ARID1B: variants seen among roughly 807,000 people sequenced by gnomAD.
ARID1B encodes the protein AT-rich interactive domain-containing protein 1B.
ARID1B carries 30 observed loss-of-function variants against 212.3 expected under a neutral mutation model. The observed-to-expected ratio is 0.14, with a 90% confidence interval of 0.11 to 0.19. The LOEUF (loss-of-function observed/expected upper bound fraction) is 0.19. Among genes scored for constraint, ARID1B ranks in the 10% least tolerant of loss-of-function variants. ARID1B has a pLI of 1.00. For synonymous variants in ARID1B, 1,402 were observed against 1,301.7 expected, an observed-to-expected ratio of 1.08 and a Z score of -1.66; for missense variants, 2,891 against 3,204.0, an observed-to-expected ratio of 0.90 and a Z score of 2.36.
chr6:156,990,312 G>T (rs1258413760), intron 4 of ARID1B, among the ~76,000 whole-genome samples: 1 of 151,658 alleles, frequency 6.6e-6, no homozygotes, highest in Non-Finnish European at 1.5e-5. Context: ...AGGTAGGGCT[G>T]CAGGCACACA....
At chr6:157,009,919 G>A (rs1779467790) in intron 4 of ARID1B, among the ~76,000 whole-genome samples, 1 of 152,206 alleles carries the variant, frequency 6.6e-6, no homozygotes, top group Non-Finnish European at 1.5e-5. Context: ...AGTGAAGAAT[G>A]TGATGTAATA....
chr6:157,172,521 C>T (rs763848178), intron 9 of ARID1B, among the ~76,000 whole-genome samples: 3 of 152,142 alleles, frequency 2.0e-5, no homozygotes, highest in Admixed American at 6.5e-5. Context: ...GCCAATGCGC[C>T]CGTGGAAAAG....
chr6:157,149,068 G>A, intron 8 of ARID1B, 117 bp downstream of exon 8: 1 of 1,041,270 alleles, frequency 9.6e-7, no homozygotes, highest in Non-Finnish European at 1.4e-6. Context: ...GAATGTCACT[G>A]TGCTTGGCCG....
chr6:156,939,351 C>T (rs904112269), intron 4 of ARID1B: 1 of 152,162 alleles, frequency 6.6e-6, no homozygotes, highest in Non-Finnish European at 1.5e-5. Flanking sequence ...AGATAGCCCT[C>T]AAATATGATT....
intron 4 of ARID1B, among the ~76,000 whole-genome samples, chr6:157,006,826 A>G (rs1779273185): frequency 6.6e-6 from 1 of 152,238 alleles, no homozygotes; most frequent in Non-Finnish European, 1.5e-5. Flanking sequence ...TATTCACAAG[A>G]AAGTTTACTT....
chr6:157,070,618 T>C (rs1445236165), intron 4 of ARID1B, among the ~76,000 whole-genome samples: 1 of 152,074 alleles, frequency 6.6e-6, no homozygotes, highest in Admixed American at 6.6e-5. Context: ...AGGCCAGGAG[T>C]TCAGGTATGA....
At chr6:157,022,352 A>T (rs1780368255) in intron 4 of ARID1B, 1 of 152,258 alleles carries the variant, frequency 6.6e-6, no homozygotes, top group African/African-American at 2.4e-5. Context: ...AAACCAACTC[A>T]CAGCATTTTT....
intron 2 of ARID1B, among the ~76,000 whole-genome samples, chr6:156,885,998 T>C (rs1787471926): frequency 6.6e-6 from 1 of 152,230 alleles, no homozygotes; most frequent in Non-Finnish European, 1.5e-5. Flanking sequence ...TCAGAGGAGA[T>C]GCTTATTGGA....
At chr6:157,042,648 GC>G (rs1781962940) in intron 4 of ARID1B, among the ~76,000 whole-genome samples, 1 of 147,716 alleles carries the variant, frequency 6.8e-6, no homozygotes, top group South Asian at 2.1e-4. Context: ...GATCACAGGA[GC>G]CCTCCACTCC....
intron 1 of ARID1B, among the ~76,000 whole-genome samples, chr6:156,828,207 G>C (rs1250168558): frequency 6.6e-6 from 1 of 151,954 alleles, no homozygotes; most frequent in African/African-American, 2.4e-5. Context: ...GACTATAGGT[G>C]CCTGCCACCA....
chr6:157,019,031 A>G (rs1780071740), intron 4 of ARID1B, among the ~76,000 whole-genome samples: 2 of 152,196 alleles, frequency 1.3e-5, no homozygotes, highest in South Asian at 2.1e-4. Flanking sequence ...TCATATTCCA[A>G]TAATGAGTTG....
intron 4 of ARID1B, among the ~76,000 whole-genome samples, chr6:157,047,243 A>G (rs535849628): frequency 6.6e-6 from 1 of 152,304 alleles, no homozygotes; most frequent in African/African-American, 2.4e-5. Context: ...TCTGTGAGGT[A>G]TTAGGTGATC....
intron 1 of ARID1B, among the ~76,000 whole-genome samples, chr6:156,818,472 G>C (rs1208198045): frequency 6.6e-6 from 1 of 152,154 alleles, no homozygotes; most frequent in Non-Finnish European, 1.5e-5. Context: ...TAACTTCTCT[G>C]TCTTTACGTA....
intron 3 of ARID1B, among the ~76,000 whole-genome samples, chr6:156,927,984 T>C (rs544744484): frequency 2.6e-5 from 4 of 152,216 alleles, no homozygotes; most frequent in Non-Finnish European, 4.4e-5. Context: ...TGGAGGGTGA[T>C]AGGGTTAACT....
At chr6:156,868,714 C>G (rs903243997) in intron 2 of ARID1B, among the ~76,000 whole-genome samples, 1 of 152,198 alleles carries the variant, frequency 6.6e-6, no homozygotes, top group African/African-American at 2.4e-5. Context: ...TAGATTTCAA[C>G]ATATGAATTT....
At chr6:157,097,796 G>C (rs1160769079) in intron 5 of ARID1B, among the ~76,000 whole-genome samples, 1 of 152,202 alleles carries the variant, frequency 6.6e-6, no homozygotes, top group African/African-American at 2.4e-5. Context: ...TGGCAACCCT[G>C]TTCACAGCTT....
At chr6:156,992,892 A>G (rs930344206) in intron 4 of ARID1B, among the ~76,000 whole-genome samples, 2 of 152,128 alleles carry the variant, frequency 1.3e-5, no homozygotes, top group African/African-American at 4.8e-5. Flanking sequence ...TATGTTTTGG[A>G]TTTAAAGAAA....
In ARID1B at chr6:157,122,947, A is replaced by G. The variant is rs557866643; in HGVS notation, c.2582-10081A>G. Among the ~76,000 whole-genome samples the G allele has an allele frequency of 4.1e-3, 616 of 152,072 alleles. 1 individual carries two copies. The highest frequency in any genetic ancestry group is 5.1e-3 in the Non-Finnish European group (346 of 67,988). ...TCCACCCGCCTCAGCCTCCCAAAGT[A>G]CTGGGATTACAGGCATGAGCCACCG... On this transcript the variant is annotated intron_variant, in intron 6 of 19. Coordinates refer to ENST00000636930, the MANE Select transcript of ARID1B (RefSeq NM_001374828.1).
In ARID1B at chr6:157,209,563, A is replaced by C. The variant is rs531702164; in HGVS notation, c.*1672A>C. The C allele has an allele frequency of 1.0e-4, 24 of 233,198 alleles. No individual in the cohort carries two copies. Among genetic ancestry groups the C allele is most frequent in the African/African-American group, 4.4e-4 (20 of 45,470 alleles). 14.4% of individuals were successfully genotyped at this position (233,198 alleles called of 1,614,324 possible). A position where few individuals can be genotyped will look rare whatever the true frequency, so the allele number is the denominator to read the frequency against. ...CTTGAGGTGAGATCTCAGAAGCTTAACTGGCCTGAAAATGTAACATTCTGC... is the reference window on the plus strand; with the variant it reads ...CTTGAGGTGAGATCTCAGAAGCTTACCTGGCCTGAAAATGTAACATTCTGC... On this transcript the variant is annotated 3_prime_UTR_variant, in exon 20 of 20. Coordinates refer to ENST00000636930, the MANE Select transcript of ARID1B (RefSeq NM_001374828.1).
Sources: allele counts gnomAD v4.1 joint callset (sites outside exome capture counted in the v4.1 genomes callset), GRCh38; gene constraint gnomAD v4.1.1; transcripts MANE v1.5; gene names NCBI Gene and HGNC (gene_info 2026-07-23, HGNC 2026-07-21).